The following LRRC41 variants were observed in gnomAD, a reference collection of about 807,000 sequenced individuals.
LRRC41 encodes the protein leucine-rich repeat-containing protein 41.
A neutral mutation model predicts 72.1 loss-of-function variants in LRRC41; 17 were observed. The observed-to-expected ratio is 0.24, with a 90% CI of 0.16 to 0.35. LRRC41 has a LOEUF of 0.35. LRRC41 is among the 10% of genes least tolerant of loss of function. LRRC41 has a pLI of 1.00. For missense variants in LRRC41, 759 were observed against 1,065.0 expected, an observed-to-expected ratio of 0.71 and a Z score of 4.00; for synonymous variants, 427 against 431.0, an observed-to-expected ratio of 0.99 and a Z score of 0.11.
intron 3 of LRRC41, among the ~76,000 whole-genome samples, chr1:46,292,119 G>T (rs1661031992): frequency 6.6e-6 from 1 of 151,886 alleles, no homozygotes; most frequent in Admixed American, 6.6e-5. Flanking sequence ...TTCGAGACCA[G>T]CCTGGCCAAT....
chr1:46,301,941 C>T, intron 1 of LRRC41: 11 of 985,282 alleles, frequency 1.1e-5, no homozygotes, highest in Non-Finnish European at 1.2e-5. Context: ...GAGGCCTCCC[C>T]TGTCCCCAGC....
intron 4 of LRRC41, among the ~76,000 whole-genome samples, chr1:46,283,552 T>G (rs1048665630): frequency 1.3e-5 from 2 of 152,072 alleles, no homozygotes; most frequent in African/African-American, 4.8e-5. Flanking sequence ...TAAATGGGTC[T>G]GGAAGTTCAA....
Position 46,278,257 on chromosome 1 carries a change from A to G in LRRC41, c.*608T>C, listed in dbSNP as rs1261009221. ...ACCTTCGTCTTCCACCAGCGTTCTCATGAGGAGCAGCGGGGCCTCCGCTGA... is the reference window on the plus strand; with the variant it reads ...ACCTTCGTCTTCCACCAGCGTTCTCGTGAGGAGCAGCGGGGCCTCCGCTGA... On this transcript the variant is annotated 3_prime_UTR_variant, in exon 10 of 10. Transcript: ENST00000617190. 6.2e-7 allele frequency: 1 copy of G among 1,613,116 alleles called. No homozygotes were observed. The highest frequency in any genetic ancestry group is 8.5e-7 in the Non-Finnish European group (1 of 1,179,518).
intron 3 of LRRC41, among the ~76,000 whole-genome samples, chr1:46,296,316 C>T (rs911433448): frequency 1.3e-5 from 2 of 152,180 alleles, no homozygotes; most frequent in Non-Finnish European, 1.5e-5. Flanking sequence ...ACTTGGGAGG[C>T]TGAGGCAGGA....
intron 3 of LRRC41, among the ~76,000 whole-genome samples, chr1:46,293,226 A>G (rs1257365198): frequency 6.6e-6 from 1 of 151,174 alleles, no homozygotes; most frequent in Non-Finnish European, 1.5e-5. Flanking sequence ...TGAGATTAGG[A>G]TGGTCACTTT....
chr1:46,279,415 T>C lies in LRRC41; in HGVS notation c.2143+77A>G. On this transcript the variant is annotated intron_variant, in intron 8 of 9. Coordinates refer to ENST00000617190, the MANE Select transcript of LRRC41 (RefSeq NM_006369.5). This position sits in a 1 kb window ranked among gnomAD's most constrained non-coding sequence, Gnocchi z 4.5. ...CTCCCACGTTCCCAGTGGAGAGGTC[T>C]TTGCCTTTATCCAGTGAGTTTTTAG... The C allele has an allele frequency of 6.2e-7, 1 of 1,609,040 alleles. No individual in the cohort carries two copies. Among genetic ancestry groups the C allele is most frequent in the Non-Finnish European group, 8.5e-7 (1 of 1,175,512 alleles).
intron 1 of LRRC41, among the ~76,000 whole-genome samples, chr1:46,301,686 G>A (rs886476497): frequency 2.0e-5 from 3 of 148,928 alleles, no homozygotes; most frequent in Non-Finnish European, 3.0e-5. Context: ...CTCAAACTCC[G>A]CGCCCTGCAA....
Position 46,279,136 on chromosome 1 carries a change from A to C in LRRC41, c.2219+46T>G, listed in dbSNP as rs760838313. The C allele has an allele frequency of 3.7e-6, 6 of 1,611,834 alleles. No homozygotes were observed. Among genetic ancestry groups the C allele is most frequent in the Non-Finnish European group, 5.1e-6 (6 of 1,178,426 alleles). On this transcript the variant is annotated intron_variant, in intron 9 of 9. Coordinates refer to ENST00000617190, the MANE Select transcript of LRRC41 (RefSeq NM_006369.5). The surrounding 1 kb of genome is among the most constrained non-coding windows in gnomAD (Gnocchi z 4.5). The stretch of plus-strand genomic sequence containing the variant: ...CCAGGAAGCAGTGAATTCCTGGTCT[A>C]TATCTCTGTAGCCCCATCCCTTGTC...
At chr1:46,288,455 G>A (rs756364448) in intron 3 of LRRC41, among the ~76,000 whole-genome samples, 6 of 152,238 alleles carry the variant, frequency 3.9e-5, no homozygotes, top group Non-Finnish European at 7.3e-5. Flanking sequence ...TGTTACTGCT[G>A]CCACTGCTAT....
intron 3 of LRRC41, among the ~76,000 whole-genome samples, chr1:46,291,851 C>T (rs1460459018): frequency 5.9e-5 from 9 of 151,400 alleles, no homozygotes; most frequent in African/African-American, 1.2e-4. Flanking sequence ...GGAGCCACCA[C>T]GCCCAGCCTA....
chr1:46,281,990 A>T (rs1660785319), intron 4 of LRRC41, among the ~76,000 whole-genome samples: 1 of 152,214 alleles, frequency 6.6e-6, no homozygotes, highest in East Asian at 1.9e-4. Flanking sequence ...GAGGCAGGAG[A>T]ATCACTTGAA....
In LRRC41 at chr1:46,279,841, C is replaced by A. The variant is rs1660731669; in HGVS notation, c.2021-227G>T. Reference sequence around the variant, plus strand: ...CTCTGCATGGACAATTCTCCATTCACTTCCTTCTTTCCCTAACACTGGCCA... The same window carrying A: ...CTCTGCATGGACAATTCTCCATTCAATTCCTTCTTTCCCTAACACTGGCCA... On this transcript the variant is annotated intron_variant, in intron 7 of 9. Coordinates refer to ENST00000617190, the MANE Select transcript of LRRC41 (RefSeq NM_006369.5). This position sits in a 1 kb window ranked among gnomAD's most constrained non-coding sequence, Gnocchi z 4.5. Among the ~76,000 whole-genome samples, 3 of 152,196 alleles carry A rather than the reference C, an allele frequency of 2.0e-5. No individual in the cohort carries two copies. Among genetic ancestry groups the A allele is most frequent in the African/African-American group, 7.2e-5 (3 of 41,444 alleles).
At chr1:46,288,778 A>G (rs1486562211) in intron 3 of LRRC41, among the ~76,000 whole-genome samples, 2 of 152,248 alleles carry the variant, frequency 1.3e-5, no homozygotes, top group Non-Finnish European at 2.9e-5. Context: ...GCAGCAACAC[A>G]GAAAGGCCTT....
intron 1 of LRRC41, 25 bp from the exon 2 acceptor site, chr1:46,298,395 A>G (rs1255509467): frequency 2.0e-6 from 3 of 1,493,912 alleles, no homozygotes; most frequent in Non-Finnish European, 2.8e-6. Flanking sequence ...ACAAAAGTTT[A>G]CTTTTCCTCC....
At chr1:46,292,054 C>T (rs1038233614) in intron 3 of LRRC41, among the ~76,000 whole-genome samples, 1 of 151,942 alleles carries the variant, frequency 6.6e-6, no homozygotes, top group Non-Finnish European at 1.5e-5. Flanking sequence ...TGGCTTATAC[C>T]TATAATCCCA....
At position 46,278,992 on chromosome 1, in the gene LRRC41, T is replaced by G; in HGVS notation, c.2312A>C (p.Gln771Pro). ...RGAFGHLRLFQNWLDQDAVTA... is the reference protein window; with the variant it reads ...RGAFGHLRLFPNWLDQDAVTA... ...GACTGCATCCTGGTCCAGCCAGTTTTGGAAGAGGCGCAGGTGACCAAAGGC... is the reference window on the plus strand; with the variant it reads ...GACTGCATCCTGGTCCAGCCAGTTTGGGAAGAGGCGCAGGTGACCAAAGGC... The change falls in exon 10 of 10, where the codon CAA (glutamine) becomes CCA (proline). Residue 771 changes from glutamine to proline, a missense_variant. Transcript: ENST00000617190. 1 of 1,614,098 alleles carries G rather than the reference T, an allele frequency of 6.2e-7. No individual in the cohort carries two copies. The highest frequency in any genetic ancestry group is 8.5e-7 in the Non-Finnish European group (1 of 1,180,020).
Position 46,286,362 on chromosome 1 carries a change from T to A in LRRC41, c.495A>T (p.Arg165=). 1 of 1,614,172 alleles carries A rather than the reference T, an allele frequency of 6.2e-7. No homozygotes were observed. The highest frequency in any genetic ancestry group is 8.5e-7 in the Non-Finnish European group (1 of 1,180,042). Reference sequence around the variant, plus strand: ...GCAGCATGTTACAGATGGTGAGCTGTCGGACATGGCGGGAGCTGTGCAGAA... The same window carrying A: ...GCAGCATGTTACAGATGGTGAGCTGACGGACATGGCGGGAGCTGTGCAGAA... ...SPLLHSSRHV[R]QLTICNMLQG... The change falls in exon 4 of 10, where the codon CGA becomes CGT. Residue 165 remains arginine, a synonymous_variant. Coordinates refer to ENST00000617190, the MANE Select transcript of LRRC41 (RefSeq NM_006369.5). The surrounding 1 kb of genome is among the most constrained non-coding windows in gnomAD (Gnocchi z 5.5).
In LRRC41 at chr1:46,286,479, G is replaced by C. The variant is rs781627588; in HGVS notation, c.378C>G (p.Ala126=). ...GGGAAAAAAAGGCCTCCATAAACTT[G>C]GCTCGCCAACATGTCACACTCTGAA... ...SSLESVTCWR[A]KFMEAFFSHV... The change falls in exon 4 of 10, where the codon GCC becomes GCG. Residue 126 remains alanine (A), a synonymous_variant. Transcript: ENST00000617190. The surrounding 1 kb of genome is among the most constrained non-coding windows in gnomAD (Gnocchi z 5.5). 6.2e-7 allele frequency: 1 copy of C among 1,600,488 alleles called. No individual in the cohort carries two copies. Among genetic ancestry groups the C allele is most frequent in the Non-Finnish European group, 8.5e-7 (1 of 1,171,872 alleles).
At chr1:46,284,829 G>C (rs1200716356) in intron 4 of LRRC41, among the ~76,000 whole-genome samples, 1 of 152,168 alleles carries the variant, frequency 6.6e-6, no homozygotes, top group Non-Finnish European at 1.5e-5. Flanking sequence ...TTGCATAGTT[G>C]TATGATTTGT....
Sources: gnomAD v4.1 joint callset for allele counts (sites outside exome capture counted in the v4.1 genomes callset) on GRCh38, gnomAD v4.1.1 for gene constraint, Gnocchi (gnomAD v3.1) non-coding constraint, MANE v1.5 for transcripts, NCBI Gene and HGNC (gene_info 2026-07-23, HGNC 2026-07-21) for gene names.